Variants in VWA2 observed in about 807,000 individuals in gnomAD.
VWA2 encodes von Willebrand factor A domain containing 2, also known as von Willebrand factor A domain-containing protein 2.
A neutral mutation model predicts 70.4 loss-of-function variants in VWA2; 73 were observed. That is an observed-to-expected ratio of 1.04 (90% CI 0.86 to 1.26). The LOEUF (loss-of-function observed/expected upper bound fraction) is 1.26, where lower values mean the gene tolerates loss of function less well. Among genes scored for constraint, VWA2 ranks in the 50% most tolerant of loss-of-function variants. The pLI is 0.00. For synonymous variants in VWA2, 407 were observed against 423.3 expected, an observed-to-expected ratio of 0.96 and a Z score of 0.47; for missense variants, 1,011 against 998.5, an observed-to-expected ratio of 1.01 and a Z score of -0.17.
intron 5 of VWA2, among the ~76,000 whole-genome samples, chr10:114,264,489 C>A (rs114243527): frequency 6.6e-6 from 1 of 151,756 alleles, no homozygotes; most frequent in Non-Finnish European, 1.5e-5. Flanking sequence ...GCTATCTCGG[C>A]TCAATGCAAG....
chr10:114,285,426 C>T (rs1324378642), intron 10 of VWA2, among the ~76,000 whole-genome samples: 3 of 152,196 alleles, frequency 2.0e-5, no homozygotes, highest in South Asian at 2.1e-4. Context: ...ATGCAAAGTG[C>T]TTAGTACCAT....
intron 1 of VWA2, among the ~76,000 whole-genome samples, chr10:114,243,713 A>G (rs1335532108): frequency 6.6e-6 from 1 of 152,258 alleles, no homozygotes; most frequent in Non-Finnish European, 1.5e-5. Context: ...AACTGCCTTC[A>G]GCGATCCCCA....
chr10:114,285,398 A>G (rs1222071564), intron 10 of VWA2, among the ~76,000 whole-genome samples: 1 of 152,268 alleles, frequency 6.6e-6, no homozygotes, highest in Non-Finnish European at 1.5e-5. Context: ...TGGGTGGTTG[A>G]GAGTTTTAAA....
chr10:114,277,871 G>C (rs560483043), intron 6 of VWA2, 43 bp from the exon 7 acceptor site: 12 of 1,564,298 alleles, frequency 7.7e-6, no homozygotes, highest in Non-Finnish European at 1.0e-5. Context: ...GGCAGGAGGA[G>C]GGTGGGTATA....
intron 1 of VWA2, among the ~76,000 whole-genome samples, chr10:114,243,294 T>C (rs672785): frequency 0.47 from 71,407 of 152,094 alleles, 17,749 homozygotes; most frequent in African/African-American, 0.64. Flanking sequence ...TTTTGGTTGT[T>C]AGGCCACTGG....
At chr10:114,282,396 G>A in intron 8 of VWA2, 120 bp from the exon 9 acceptor site, 1 of 785,466 alleles carries the variant, frequency 1.3e-6, no homozygotes. Context: ...AAACCAGGAA[G>A]TCTTTCTTAC....
chr10:114,264,486 C>T (rs1205289382), intron 5 of VWA2, among the ~76,000 whole-genome samples: 4 of 149,918 alleles, frequency 2.7e-5, no homozygotes, highest in East Asian at 4.0e-4. Flanking sequence ...GGTGCTATCT[C>T]GGCTCAATGC....
At chr10:114,269,166 C>T (rs1047378728) in intron 5 of VWA2, among the ~76,000 whole-genome samples, 2 of 152,168 alleles carry the variant, frequency 1.3e-5, no homozygotes, top group African/African-American at 2.4e-5. Context: ...TGCTGAGCAA[C>T]GTGAAGGGTA....
In VWA2 at chr10:114,290,268, A is replaced by T; in HGVS notation, c.2151A>T (p.Lys717Asn). 6.4e-7 allele frequency: 1 copy of T among 1,550,522 alleles called. No homozygotes were observed. The highest frequency in any genetic ancestry group is 8.7e-7 in the Non-Finnish European group (1 of 1,146,964). The part of the protein sequence containing the change: ...GEAKQPVNLC[K>N]PSPCMNEGSC... ...CCAAGCAGCCAGTCAACCTCTGCAAACCCAGCCCGTGCATGAATGAGGGCA... is the reference window on the plus strand; with the variant it reads ...CCAAGCAGCCAGTCAACCTCTGCAATCCCAGCCCGTGCATGAATGAGGGCA... Residue 717 changes from lysine to asparagine, a missense_variant, in exon 13 of 14, where the codon AAA becomes AAT. Lys to Asn is a moderately conservative substitution (Grantham distance 94, BLOSUM62 0). Coordinates refer to ENST00000392982, the MANE Select transcript of VWA2 (RefSeq NM_001272046.2).
Position 114,286,406 on chromosome 10 carries a change from G to T in VWA2, c.1465G>T (p.Glu489Ter). The T allele has an allele frequency of 6.2e-7, 1 of 1,613,934 alleles. No homozygotes were observed. The highest frequency in any genetic ancestry group is 8.5e-7 in the Non-Finnish European group (1 of 1,180,014). The change falls in exon 11 of 14, where the codon GAG (glutamate) becomes TAG (stop). Residue 489 changes from glutamate to a stop codon, truncating the protein, a stop_gained. Transcript: ENST00000392982. LOFTEE classifies it high-confidence loss of function. ...GSEAVRAELE[E>*]ITGSPKHVMV... ...TGAGGCCGTGCGGGCAGAGCTGGAG[G>T]AGATCACAGGCAGCCCAAAGCATGT...
At chr10:114,276,812 C>T (rs2037854814) in intron 6 of VWA2, among the ~76,000 whole-genome samples, 1 of 151,944 alleles carries the variant, frequency 6.6e-6, no homozygotes, top group Non-Finnish European at 1.5e-5. Flanking sequence ...AGCCACTGCA[C>T]CTGGTCTCTT....
chr10:114,290,605 A>G (rs1465901732), intron 13 of VWA2, among the ~76,000 whole-genome samples: 3 of 152,208 alleles, frequency 2.0e-5, no homozygotes, highest in African/African-American at 7.2e-5. Context: ...TTCCATTCTA[A>G]TGGGAAGACA....
intron 2 of VWA2, 28 bp downstream of exon 2, chr10:114,248,793 AG>A (rs779344031): frequency 6.2e-7 from 1 of 1,607,528 alleles, no homozygotes; most frequent in South Asian, 1.1e-5. Context: ...GTGGTGGGGA[AG>A]TACTGGCGTG....
At position 114,282,528 on chromosome 10, in the gene VWA2, G is replaced by A. The variant is rs2133445615; in HGVS notation, c.846G>A (p.Val282=). The A allele has an allele frequency of 3.1e-6, 5 of 1,614,026 alleles. No homozygotes were observed. The highest frequency in any genetic ancestry group is 4.5e-5 in the East Asian group (2 of 44,882). ...CCTTGGATTGTAGCTGGAAGAGAGT[G>A]TTCCTAACCCACCCTGCCACCTGCT... ...AHCPFYSWKR[V]FLTHPATCYR... The change falls in exon 9 of 14, where the codon GTG becomes GTA. Residue 282 remains valine, a synonymous_variant. Transcript: ENST00000392982.
intron 5 of VWA2, among the ~76,000 whole-genome samples, chr10:114,263,204 G>A (rs113914194): frequency 9.4e-4 from 143 of 152,076 alleles, no homozygotes; most frequent in African/African-American, 2.9e-3. Context: ...TTGTAGAGAT[G>A]GGGTTTCCCC....
rs560070060 is a variant in VWA2 at position 114,253,936 on chromosome 10, G to A, written c.127+211G>A. Among the ~76,000 whole-genome samples the A allele has an allele frequency of 4.6e-5, 7 of 151,980 alleles. No individual in the cohort carries two copies. The South Asian group carries it at 1.5e-3, about 32-fold the overall frequency. On this transcript the variant is annotated intron_variant, in intron 3 of 13. Coordinates refer to ENST00000392982, the MANE Select transcript of VWA2 (RefSeq NM_001272046.2). ...GGGTGCCTGTAATTCCAGCTACTCG[G>A]GAGGCTGAGGCAGGAGAATTGCTTG...
At position 114,248,775 on chromosome 10, in the gene VWA2, G is replaced by A; in HGVS notation, c.52+10G>A. Reference sequence around the variant, plus strand: ...TTCCTGTTTTCCAGAGGTAAGATGTGTTTATTGGTGGTGGGGAAGTACTGG... The same window carrying A: ...TTCCTGTTTTCCAGAGGTAAGATGTATTTATTGGTGGTGGGGAAGTACTGG... On this transcript the variant is annotated intron_variant, in intron 2 of 13. Transcript: ENST00000392982. 1.2e-6 allele frequency: 2 copies of A among 1,613,092 alleles called. No homozygotes were observed. Among genetic ancestry groups the A allele is most frequent in the Non-Finnish European group, 1.7e-6 (2 of 1,179,130 alleles).
chr10:114,251,820 A>ATTTT (rs1219307995), intron 2 of VWA2, among the ~76,000 whole-genome samples: 7 of 120,894 alleles, frequency 5.8e-5, no homozygotes, highest in African/African-American at 9.7e-5. Context: ...AAAACCTGTA[A>ATTTT]TTTTTTTTTT....
intron 9 of VWA2, among the ~76,000 whole-genome samples, chr10:114,284,278 T>C (rs952061116): frequency 2.0e-5 from 3 of 152,242 alleles, no homozygotes; most frequent in African/African-American, 7.2e-5. Flanking sequence ...GTTTTTTTAG[T>C]GCTGAGACTT....
Sources: allele counts gnomAD v4.1 joint callset (sites outside exome capture counted in the v4.1 genomes callset), GRCh38; gene constraint gnomAD v4.1.1; transcripts MANE v1.5; gene names NCBI Gene and HGNC (gene_info 2026-07-23, HGNC 2026-07-21).